Variants in PLCB4 observed in about 807,000 individuals in gnomAD.
PLCB4 encodes the protein phospholipase C beta 4, also known as 1-phosphatidylinositol 4,5-bisphosphate phosphodiesterase beta-4.
In PLCB4, 77 loss-of-function variants were observed where a neutral mutation model predicts 178.8. The observed-to-expected ratio is 0.43, with a 90% CI of 0.36 to 0.52. The LOEUF (loss-of-function observed/expected upper bound fraction) is 0.52. Among genes scored for constraint, PLCB4 ranks in the 20% least tolerant of loss-of-function variants. The pLI, the probability that PLCB4 is intolerant of heterozygous loss-of-function variation, is 0.00. For synonymous variants in PLCB4, 496 were observed against 490.8 expected (o/e 1.01, Z -0.14); for missense variants, 1,024 against 1,453.4 (o/e 0.70, Z 4.80).
intron 4 of PLCB4, among the ~76,000 whole-genome samples, chr20:9,316,590 AG>A (rs1262621391): frequency 1.3e-5 from 2 of 152,180 alleles, no homozygotes; most frequent in Non-Finnish European, 2.9e-5. Flanking sequence ...CCAGAAAAAT[AG>A]GATATGTTAA....
chr20:9,218,075 T>C (rs1010047201), intron 3 of PLCB4, among the ~76,000 whole-genome samples: 4 of 152,214 alleles, frequency 2.6e-5, no homozygotes, highest in African/African-American at 9.6e-5. Context: ...ATATGAGACA[T>C]GTTCTTTTAT....
At chr20:9,128,472 A>G (rs1427830539) in intron 2 of PLCB4, among the ~76,000 whole-genome samples, 1 of 152,150 alleles carries the variant, frequency 6.6e-6, no homozygotes, top group African/African-American at 2.4e-5. Flanking sequence ...GCTGGAGTGC[A>G]GTGGCGCAGT....
intron 2 of PLCB4, among the ~76,000 whole-genome samples, chr20:9,120,156 T>TA (rs754620771): frequency 6.6e-6 from 1 of 152,204 alleles, no homozygotes; most frequent in Non-Finnish European, 1.5e-5. Flanking sequence ...CCATCTGCGT[T>TA]ACGGAAGTGA....
rs1428526512 is a variant in PLCB4 at position 9,312,388 on chromosome 20, A to ACG, written c.84+4491_84+4492insGC. ...CACACACACACACACACACACACAC[A>ACG]CACACACACGCACGCACTCACACAC... On this transcript the variant is annotated intron_variant, in intron 4 of 39. Transcript: ENST00000378473. Among the ~76,000 whole-genome samples, 65 of 146,128 alleles carry ACG rather than the reference A, an allele frequency of 4.4e-4. 1 individual carries two copies. Among genetic ancestry groups the ACG allele is most frequent in the Middle Eastern group, 3.5e-3 (1 of 284 alleles).
At chr20:9,374,596 A>G (rs1443090540) in intron 12 of PLCB4, among the ~76,000 whole-genome samples, 3 of 152,180 alleles carry the variant, frequency 2.0e-5, no homozygotes, top group Non-Finnish European at 4.4e-5. Flanking sequence ...TGCCACTTCC[A>G]AGACAAGGCC....
intron 1 of PLCB4, among the ~76,000 whole-genome samples, chr20:9,077,811 T>C (rs1019208886): frequency 9.2e-5 from 14 of 152,196 alleles, no homozygotes; most frequent in Non-Finnish European, 2.1e-4. Context: ...TTAATTTCAT[T>C]GCTGAAAAAT....
chr20:9,131,181 G>A (rs569249494), intron 2 of PLCB4, among the ~76,000 whole-genome samples: 8 of 152,034 alleles, frequency 5.3e-5, no homozygotes, highest in South Asian at 2.1e-4. Context: ...GTAATCTTTC[G>A]GTACATCTAT....
At chr20:9,091,663 A>T (rs1269033057) in intron 1 of PLCB4, among the ~76,000 whole-genome samples, 1 of 150,730 alleles carries the variant, frequency 6.6e-6, no homozygotes, top group African/African-American at 2.4e-5. Flanking sequence ...TGAAGACTGC[A>T]TGAAATACTA....
At chr20:9,175,617 A>G (rs533823195) in intron 2 of PLCB4, among the ~76,000 whole-genome samples, 3 of 152,276 alleles carry the variant, frequency 2.0e-5, no homozygotes, top group East Asian at 3.9e-4. Context: ...TGTCTCATCC[A>G]TAAAATTATG....
At chr20:9,215,972 T>C (rs971244591) in intron 2 of PLCB4, among the ~76,000 whole-genome samples, 2 of 152,302 alleles carry the variant, frequency 1.3e-5, no homozygotes, top group Admixed American at 6.5e-5. Flanking sequence ...ACAGATTTCC[T>C]CTCTTGTTTT....
chr20:9,193,286 G>A (rs1224091406), intron 2 of PLCB4, among the ~76,000 whole-genome samples: 7 of 152,190 alleles, frequency 4.6e-5, no homozygotes, highest in African/African-American at 1.7e-4. Context: ...TAAATGGTTT[G>A]TTTTCACAGA....
intron 2 of PLCB4, among the ~76,000 whole-genome samples, chr20:9,210,846 AGTTTTGTCT>A (rs2093665140): frequency 6.6e-6 from 1 of 152,110 alleles, no homozygotes; most frequent in South Asian, 2.1e-4. Flanking sequence ...GAGTTCTAGA[AGTTTTGTCT>A]GTTTTTTTCA....
At chr20:9,456,772 G>A (rs566664341) in intron 33 of PLCB4, among the ~76,000 whole-genome samples, 3 of 152,278 alleles carry the variant, frequency 2.0e-5, no homozygotes, top group East Asian at 1.9e-4. Context: ...TTATAAGGAA[G>A]CATTCTGACT....
At chr20:9,476,132 G>A (rs1439046943) in intron 38 of PLCB4, among the ~76,000 whole-genome samples, 6 of 152,292 alleles carry the variant, frequency 3.9e-5, no homozygotes, top group Non-Finnish European at 8.8e-5. Flanking sequence ...AGTGTTGGGG[G>A]CACTGGCAGA....
At chr20:9,470,590 G>C (rs1425758660) in intron 36 of PLCB4, among the ~76,000 whole-genome samples, 2 of 152,194 alleles carry the variant, frequency 1.3e-5, no homozygotes, top group African/African-American at 4.8e-5. Context: ...CTTTAGCTCG[G>C]TTGAGGTCAA....
chr20:9,422,556 C>G (rs541482963), intron 27 of PLCB4, among the ~76,000 whole-genome samples: 18 of 152,268 alleles, frequency 1.2e-4, no homozygotes, highest in African/African-American at 4.1e-4. Context: ...TTTCTAGAAG[C>G]TGAGAAAGTT....
At chr20:9,207,842 A>G (rs548574595) in intron 2 of PLCB4, among the ~76,000 whole-genome samples, 1 of 152,340 alleles carries the variant, frequency 6.6e-6, no homozygotes, top group African/African-American at 2.4e-5. Context: ...AAAAGGAATC[A>G]ATTATATTTT....
At chr20:9,388,512 A>C (rs2037868098) in intron 15 of PLCB4, among the ~76,000 whole-genome samples, 1 of 152,208 alleles carries the variant, frequency 6.6e-6, no homozygotes, top group African/African-American at 2.4e-5. Context: ...TGACGTCAGG[A>C]GTTCAAGATC....
intron 3 of PLCB4, among the ~76,000 whole-genome samples, chr20:9,253,442 G>A (rs1259673737): frequency 2.0e-5 from 3 of 152,078 alleles, no homozygotes; most frequent in Non-Finnish European, 4.4e-5. Flanking sequence ...GACCCAATCT[G>A]GAAGGCCATC....
Sources: allele counts gnomAD v4.1 joint callset (sites outside exome capture counted in the v4.1 genomes callset), GRCh38; gene constraint gnomAD v4.1.1; transcripts MANE v1.5; gene names NCBI Gene and HGNC (gene_info 2026-07-23, HGNC 2026-07-21).